TRAK1: variants seen among roughly 807,000 people sequenced by gnomAD.
TRAK1 encodes the protein trafficking kinesin-binding protein 1.
Under a neutral mutation model 92.1 loss-of-function variants are expected in TRAK1, and 33 were observed. The observed-to-expected ratio is 0.36, with a 90% confidence interval of 0.27 to 0.48. The LOEUF (loss-of-function observed/expected upper bound fraction) is 0.48. Ranked by LOEUF, TRAK1 falls within the 20% of genes least tolerant of loss-of-function variation. The pLI is 0.99. For synonymous variants in TRAK1, 521 were observed against 517.3 expected (o/e 1.01, Z -0.10); for missense variants, 1,123 against 1,257.9 (o/e 0.89, Z 1.62).
intron 2 of TRAK1, among the ~76,000 whole-genome samples, chr3:42,176,147 A>G (rs1169564094): frequency 6.6e-6 from 1 of 152,230 alleles, no homozygotes; most frequent in South Asian, 2.1e-4. Flanking sequence ...GCAGCCTTGT[A>G]TGACCACAGT....
intron 2 of TRAK1, among the ~76,000 whole-genome samples, chr3:42,153,173 G>A (rs76225722): frequency 1.3e-5 from 2 of 152,162 alleles, no homozygotes; most frequent in Non-Finnish European, 2.9e-5. Flanking sequence ...CAGGCTAAAG[G>A]GGGGAGGATC....
intron 6 of TRAK1, among the ~76,000 whole-genome samples, chr3:42,189,932 GC>G (rs746543649): frequency 2.0e-5 from 3 of 152,168 alleles, no homozygotes; most frequent in Non-Finnish European, 2.9e-5. Flanking sequence ...AGTGTGCCAG[GC>G]ATTTTGCCCA....
chr3:42,017,297 TTATTTAACTCATCTA>T (rs1316767536), intron 1 of TRAK1, among the ~76,000 whole-genome samples: 4 of 152,106 alleles, frequency 2.6e-5, no homozygotes, highest in Admixed American at 2.6e-4. Flanking sequence ...GGACTCAGAT[TTATTTAACTCATCTA>T]TATTTGGCAT....
At chr3:42,046,616 G>A (rs556821150) in intron 1 of TRAK1, among the ~76,000 whole-genome samples, 13 of 152,282 alleles carry the variant, frequency 8.5e-5, no homozygotes, top group Non-Finnish European at 1.3e-4. Flanking sequence ...CTGGGAAGAT[G>A]GAATTAAGAG....
At chr3:42,059,014 A>G (rs981066521) in intron 1 of TRAK1, among the ~76,000 whole-genome samples, 2 of 152,216 alleles carry the variant, frequency 1.3e-5, no homozygotes, top group African/African-American at 2.4e-5. Context: ...GTGTGTATGC[A>G]TGCGTGTATA....
chr3:42,165,088 G>A (rs1701696154), intron 2 of TRAK1, among the ~76,000 whole-genome samples: 1 of 152,094 alleles, frequency 6.6e-6, no homozygotes, highest in South Asian at 2.1e-4. Flanking sequence ...TAAATTTCTG[G>A]CAAATGGTAT....
At chr3:42,097,271 G>T (rs1576329092) in intron 1 of TRAK1, among the ~76,000 whole-genome samples, 1 of 152,192 alleles carries the variant, frequency 6.6e-6, no homozygotes, top group African/African-American at 2.4e-5. Context: ...ATACCACTGG[G>T]TTGGGGATAG....
chr3:42,149,108 A>G (rs1055407558), intron 2 of TRAK1: 7 of 855,054 alleles, frequency 8.2e-6, no homozygotes, highest in Non-Finnish European at 9.9e-6. Context: ...GCCAGTTTCT[A>G]TGGCAACGGT....
intron 1 of TRAK1, among the ~76,000 whole-genome samples, chr3:42,047,200 CT>C (rs561224807): frequency 0.15 from 15,782 of 106,868 alleles, 1,051 homozygotes; most frequent in Non-Finnish European, 0.2. Flanking sequence ...AAAAACTGAT[CT>C]TTTTTTTTTT....
intron 4 of TRAK1, among the ~76,000 whole-genome samples, chr3:42,185,820 T>C (rs9311308): frequency 0.77 from 116,381 of 151,032 alleles, 45,151 homozygotes; most frequent in East Asian, 0.99. Flanking sequence ...TACAGGTGCC[T>C]GCCACCACAC....
rs1170668819 is a variant in TRAK1 at position 42,225,157 on chromosome 3, G to A, written c.*1420G>A. 1 of 152,162 alleles carries A rather than the reference G, an allele frequency of 6.6e-6. No homozygotes were observed. Among genetic ancestry groups the A allele is most frequent in the Non-Finnish European group, 1.5e-5 (1 of 68,036 alleles). 9.4% of individuals were successfully genotyped at this position (152,162 alleles called of 1,614,324 possible). A position where few individuals can be genotyped will look rare whatever the true frequency, so the allele number is the denominator to read the frequency against. ...GTCATAGTGTGTCTGTGGCATTCCA[G>A]TCCAACCATGTGACTTATTTATTCT... is the stretch of plus-strand genomic sequence containing the variant. On this transcript the variant is annotated 3_prime_UTR_variant, in exon 16 of 16. Transcript: ENST00000327628.
rs397989334 is a variant in TRAK1, at chr3:42,219,786, G to GTTTTTTTTTTTTTTTTTTT, written c.2066+199_2066+217dup. Among the ~76,000 whole-genome samples, 6 of 63,498 alleles carry GTTTTTTTTTTTTTTTTTTT rather than the reference G, an allele frequency of 9.4e-5. 1 individual carries two copies. The highest frequency in any genetic ancestry group is 1.3e-4 in the African/African-American group (3 of 23,040). The allele number at this position is 63,498 out of a possible 152,430, so 41.7% of individuals were successfully genotyped here. On this transcript the variant is annotated intron_variant, in intron 15 of 15. Coordinates refer to ENST00000327628, the MANE Select transcript of TRAK1 (RefSeq NM_001042646.3). ...ATCCTTCCTTTTGTTGTTGTTATGT[G>GTTTTTTTTTTTTTTTTTTT]TTTTTTTTTTTTTTTTTTTTTTTTT...
Position 42,030,372 on chromosome 3 carries a change from A to AAATATAT in TRAK1, c.-519+16256_-519+16257insATATATA, listed in dbSNP as rs540353037. 1.4e-3 allele frequency among the ~76,000 whole-genome samples: 183 copies of AAATATAT among 132,310 alleles called. 2 individuals carry two copies. The highest frequency in any genetic ancestry group is 0.011 in the South Asian group (45 of 3,944). 86.8% of individuals were successfully genotyped at this position (132,310 alleles called of 152,430 possible). The stretch of plus-strand genomic sequence containing the variant: ...GCGAGACCCTGTCTCTAAAAAAAAA[A>AAATATAT]ATATATATATATATATATGGCCGGG... On this transcript the variant is annotated intron_variant, in intron 1 of 16. Coordinates refer to the TRAK1 transcript ENST00000487159.
intron 3 of TRAK1, among the ~76,000 whole-genome samples, chr3:42,180,181 A>G (rs1297071547): frequency 3.3e-5 from 5 of 152,312 alleles, no homozygotes; most frequent in Admixed American, 6.5e-5. Flanking sequence ...TAGAGACACT[A>G]CAATAACGTT....
At chr3:42,103,876 C>T (rs1368640105) in intron 1 of TRAK1, among the ~76,000 whole-genome samples, 2 of 152,216 alleles carry the variant, frequency 1.3e-5, no homozygotes, top group African/African-American at 4.8e-5. Flanking sequence ...GGGTCATCAC[C>T]TCACCCAGTA....
chr3:42,125,301 G>C (rs999510340), intron 1 of TRAK1, 119 bp from the exon 2 acceptor site: 1 of 850,642 alleles, frequency 1.2e-6, no homozygotes, highest in South Asian at 1.9e-5. Context: ...GCCTTGTCTA[G>C]CTTCTTTGTG....
chr3:42,066,185 G>A (rs138345746), intron 1 of TRAK1, among the ~76,000 whole-genome samples: 2 of 152,188 alleles, frequency 1.3e-5, no homozygotes, highest in African/African-American at 4.8e-5. Context: ...GATTAGCCAG[G>A]CATGGTGGCA....
chr3:42,132,946 T>C (rs185158216), intron 2 of TRAK1, among the ~76,000 whole-genome samples: 24 of 152,354 alleles, frequency 1.6e-4, no homozygotes, highest in Admixed American at 1.1e-3. Flanking sequence ...ACCCCATTTC[T>C]GTATCCTCCT....
At chr3:42,188,279 A>G in intron 5 of TRAK1, 134 bp downstream of exon 5, 1 of 765,254 alleles carries the variant, frequency 1.3e-6, no homozygotes, top group Admixed American at 2.0e-5. Context: ...TCTGGACCAA[A>G]CACCTCCAAG....
Sources: gnomAD v4.1 joint callset for allele counts (sites outside exome capture counted in the v4.1 genomes callset) on GRCh38, gnomAD v4.1.1 for gene constraint, MANE v1.5 for transcripts, NCBI Gene and HGNC (gene_info 2026-07-23, HGNC 2026-07-21) for gene names.